ESD: variants seen among roughly 807,000 people sequenced by gnomAD.
ESD encodes esterase D.
A neutral mutation model predicts 38.1 loss-of-function variants in ESD; 34 were observed. That is an observed-to-expected ratio of 0.89 (90% CI 0.68 to 1.19). ESD has a LOEUF of 1.19. Among genes scored for constraint, ESD ranks in the 50% most tolerant of loss-of-function variants. ESD has a pLI of 0.00. For synonymous variants in ESD, 97 were observed against 107.0 expected (o/e 0.91, Z 0.58); for missense variants, 334 against 327.2 (o/e 1.02, Z -0.16).
At chr13:46,784,489 C>A (rs138079100) in intron 4 of ESD, 139 bp from the exon 5 acceptor site, 69 of 587,164 alleles carry the variant, frequency 1.2e-4, no homozygotes, top group Non-Finnish European at 1.1e-4. Context: ...GTTCACTACC[C>A]GGGTGATGGT....
At chr13:46,777,877 G>A (rs1874860621) in intron 8 of ESD, among the ~76,000 whole-genome samples, 1 of 151,450 alleles carries the variant, frequency 6.6e-6, no homozygotes, top group Admixed American at 6.6e-5. Flanking sequence ...CATATCTCAG[G>A]GATTCTTAAG....
intron 3 of ESD, 123 bp downstream of exon 3, chr13:46,791,223 G>A: frequency 3.0e-6 from 2 of 668,970 alleles, no homozygotes; most frequent in Non-Finnish European, 5.1e-6. Context: ...ACCACAGAAA[G>A]AGAGTAAGCA....
rs74317455 is a variant in ESD, at chr13:46,777,532, T to C, written c.692A>G (p.Asp231Gly). 716 of 1,611,640 alleles carry C rather than the reference T, an allele frequency of 4.4e-4. 5 individuals carry two copies. The East Asian group carries it at 0.014, about 31-fold the overall frequency. Residue 231 changes from aspartate to glycine, a missense_variant, in exon 9 of 10, where the codon GAT (aspartate) becomes GGT (glycine). By Grantham distance (94) the Asp-to-Gly change is moderately conservative. Coordinates refer to ENST00000378720, the MANE Select transcript of ESD (RefSeq NM_001984.2). ...GAAGTTATCAGGGAGTAACTGTCCA[T>C]CTAAAAGAAACTGGTCATCTTTCCC... is the stretch of plus-strand genomic sequence containing the variant. ...DQGKDDQFLLDGQLLPDNFIA... is the reference protein window; with the variant it reads ...DQGKDDQFLLGGQLLPDNFIA...
intron 4 of ESD, among the ~76,000 whole-genome samples, chr13:46,785,255 G>GA (rs2138296544): frequency 6.6e-6 from 1 of 152,090 alleles, no homozygotes; most frequent in African/African-American, 2.4e-5. Context: ...AATGATGTGA[G>GA]AATGGTGAGG....
intron 5 of ESD, among the ~76,000 whole-genome samples, chr13:46,783,069 T>C (rs1439016865): frequency 6.6e-6 from 1 of 152,012 alleles, no homozygotes; most frequent in Non-Finnish European, 1.5e-5. Flanking sequence ...TCTTTGTTGA[T>C]GAAGTTTCTT....
chr13:46,778,910 C>A (rs1874898404), intron 8 of ESD, among the ~76,000 whole-genome samples: 1 of 151,796 alleles, frequency 6.6e-6, no homozygotes, highest in African/African-American at 2.4e-5. Flanking sequence ...CAATAATCAT[C>A]CTTACATAAA....
chr13:46,792,649 A>G (rs1052185459), intron 2 of ESD, among the ~76,000 whole-genome samples: 3 of 151,962 alleles, frequency 2.0e-5, no homozygotes, highest in Non-Finnish European at 4.4e-5. Flanking sequence ...TAGAATTATG[A>G]TATTACAACT....
chr13:46,780,137 C>T (rs1874950041), intron 7 of ESD, 104 bp from the exon 8 acceptor site: 6 of 702,348 alleles, frequency 8.5e-6, no homozygotes, highest in Non-Finnish European at 1.3e-5. Flanking sequence ...TTGCAACTTG[C>T]TTAAAAATTC....
chr13:46,781,762 C>T, intron 6 of ESD, 147 bp from the exon 7 acceptor site: 1 of 697,572 alleles, frequency 1.4e-6, no homozygotes, highest in South Asian at 1.7e-5. Context: ...CAAAACAAAA[C>T]TAAATCCTCA....
intron 9 of ESD, among the ~76,000 whole-genome samples, chr13:46,772,620 G>A (rs1566275783): frequency 6.6e-6 from 1 of 152,066 alleles, no homozygotes. Flanking sequence ...CCCCAGTGTG[G>A]GTTGTTCCCC....
chr13:46,785,814 C>G (rs898050147), intron 4 of ESD: 1 of 151,902 alleles, frequency 6.6e-6, no homozygotes, highest in East Asian at 1.9e-4. Context: ...AAACTTAGGG[C>G]CCTATTATTA....
rs888933858 is a variant in ESD at position 46,771,315 on chromosome 13, A to G, written c.*101T>C. ...TATAGAATAAAGCCCTTTTAGCACT[A>G]TAAAATCCAATGTTTTGAATTTTTT... is the stretch of plus-strand genomic sequence containing the variant. On this transcript the variant is annotated 3_prime_UTR_variant, in exon 10 of 10. Transcript: ENST00000378720. 46 of 753,120 alleles carry G rather than the reference A, an allele frequency of 6.1e-5. No homozygotes were observed. In the African/African-American group the frequency reaches 8.3e-4, roughly 14 times the overall value. 46.7% of individuals were successfully genotyped at this position (753,120 alleles called of 1,614,324 possible). A position where few individuals can be genotyped will look rare whatever the true frequency, so the allele number is the denominator to read the frequency against.
intron 9 of ESD, among the ~76,000 whole-genome samples, chr13:46,773,837 T>C (rs937461215): frequency 6.6e-6 from 1 of 152,200 alleles, no homozygotes; most frequent in Non-Finnish European, 1.5e-5. Context: ...AGCTGGCTAG[T>C]TGAATTTAGA....
intron 9 of ESD, chr13:46,775,445 T>G (rs1874759908): frequency 3.5e-6 from 1 of 287,136 alleles, no homozygotes; most frequent in African/African-American, 2.2e-5. Flanking sequence ...CCCTATTATT[T>G]TCAGCTTATT....
chr13:46,777,732 A>C, intron 8 of ESD, 109 bp from the exon 9 acceptor site: 1 of 816,568 alleles, frequency 1.2e-6, no homozygotes. Context: ...TAGGCTGATT[A>C]AATCAGAAAT....
intron 4 of ESD, among the ~76,000 whole-genome samples, chr13:46,784,766 A>T (rs1875132210): frequency 6.6e-6 from 1 of 151,918 alleles, no homozygotes; most frequent in Non-Finnish European, 1.5e-5. Context: ...TAACCTAAGA[A>T]CTGTGTTAGG....
intron 8 of ESD, among the ~76,000 whole-genome samples, chr13:46,778,705 C>T (rs1295495149): frequency 6.6e-6 from 1 of 151,666 alleles, no homozygotes; most frequent in African/African-American, 2.4e-5. Context: ...AGACTTTGCA[C>T]CAGATGAAGA....
rs753382896 is a variant in ESD, at chr13:46,779,925, C to CA, written c.600+9dup. 1 of 1,585,116 alleles carries CA rather than the reference C, an allele frequency of 6.3e-7. No individual in the cohort carries two copies. The highest frequency in any genetic ancestry group is 1.1e-5 in the South Asian group (1 of 89,512). The stretch of plus-strand genomic sequence containing the variant: ...AAGAATGAGTATTAAGACAGCCATT[C>CA]AGTACCTACCTTCCATTTACTTTGA... On this transcript the variant is annotated intron_variant, in intron 8 of 9. Coordinates refer to ENST00000378720, the MANE Select transcript of ESD (RefSeq NM_001984.2).
chr13:46,784,486 A>G, intron 4 of ESD, 136 bp from the exon 5 acceptor site: 1 of 592,586 alleles, frequency 1.7e-6, no homozygotes, highest in South Asian at 2.2e-5. Context: ...TATGTTCACT[A>G]CCCGGGTGAT....
Sources: gnomAD v4.1 joint callset for allele counts (sites outside exome capture counted in the v4.1 genomes callset) on GRCh38, gnomAD v4.1.1 for gene constraint, MANE v1.5 for transcripts, NCBI Gene and HGNC (gene_info 2026-07-23, HGNC 2026-07-21) for gene names.